The following TOMM70 variants were observed in gnomAD, a reference collection of about 807,000 sequenced individuals.
TOMM70 encodes mitochondrial import receptor subunit TOM70.
TOMM70 carries 13 observed loss-of-function variants against 73.6 expected under a neutral mutation model. That is an observed-to-expected ratio of 0.18 (90% CI 0.11 to 0.28). The LOEUF is 0.28. Among genes scored for constraint, TOMM70 ranks in the 10% least tolerant of loss-of-function variants. TOMM70 has a pLI of 1.00. For synonymous variants in TOMM70, 257 were observed against 271.2 expected, an observed-to-expected ratio of 0.95 and a Z score of 0.51; for missense variants, 609 against 747.5, an observed-to-expected ratio of 0.81 and a Z score of 2.16.
chr3:100,376,704 T>C (rs971220192), intron 6 of TOMM70, among the ~76,000 whole-genome samples: 1 of 152,164 alleles, frequency 6.6e-6, no homozygotes, highest in African/African-American at 2.4e-5. Context: ...GTTTTAGCTC[T>C]TACATTTAGG....
At chr3:100,392,819 A>G (rs1418632747) in intron 1 of TOMM70, among the ~76,000 whole-genome samples, 2 of 152,214 alleles carry the variant, frequency 1.3e-5, no homozygotes, top group Non-Finnish European at 2.9e-5. Context: ...AAAGGAAAAG[A>G]AGTCATTATA....
intron 6 of TOMM70, among the ~76,000 whole-genome samples, chr3:100,376,369 G>GTTTTTTT (rs141227349): frequency 0.12 from 15,117 of 121,278 alleles, 2,561 homozygotes; most frequent in African/African-American, 0.33. Context: ...TCACACAGAA[G>GTTTTTTT]TTTTTTTTTT....
intron 1 of TOMM70, among the ~76,000 whole-genome samples, chr3:100,390,324 TC>T (rs1706744089): frequency 6.6e-6 from 1 of 152,098 alleles, no homozygotes; most frequent in Non-Finnish European, 1.5e-5. Context: ...AACACTAAAA[TC>T]CCATTATGAA....
Position 100,384,600 on chromosome 3 carries a change from GAA to G in TOMM70, c.626-14_626-13del. ...CACAGCAGTGACATCTAGAAATGAT[GAA>G]AAACACAAGGGTAAATATAAAATTA... is the stretch of plus-strand genomic sequence containing the variant. On this transcript the variant is annotated splice_polypyrimidine_tract_variant and intron_variant, in intron 3 of 11. Coordinates refer to ENST00000284320, the MANE Select transcript of TOMM70 (RefSeq NM_014820.5). The G allele has an allele frequency of 1.3e-6, 2 of 1,510,932 alleles. No homozygotes were observed. The highest frequency in any genetic ancestry group is 4.6e-5 in the East Asian group (2 of 43,270). The allele number at this position is 1,510,932 out of a possible 1,614,324, so 93.6% of individuals were successfully genotyped here. A position where few individuals can be genotyped will look rare whatever the true frequency, so the allele number is the denominator to read the frequency against.
chr3:100,399,147 T>TGGC (rs1239897138), intron 1 of TOMM70, among the ~76,000 whole-genome samples: 2 of 151,976 alleles, frequency 1.3e-5, no homozygotes, highest in Non-Finnish European at 2.9e-5. Context: ...CGGGGCATGG[T>TGGC]GGCGCGCGCC....
chr3:100,394,176 T>A (rs1706794365), intron 1 of TOMM70, among the ~76,000 whole-genome samples: 1 of 152,246 alleles, frequency 6.6e-6, no homozygotes, highest in African/African-American at 2.4e-5. Context: ...GACACACTTA[T>A]ACCCAGTTAA....
At chr3:100,390,746 G>T (rs531118020) in intron 1 of TOMM70, among the ~76,000 whole-genome samples, 58 of 152,034 alleles carry the variant, frequency 3.8e-4, no homozygotes, top group African/African-American at 1.3e-3. Flanking sequence ...GGAGAATCAC[G>T]CGAACCTGGG....
chr3:100,373,940 A>G (rs1173484653), intron 7 of TOMM70, among the ~76,000 whole-genome samples: 1 of 152,192 alleles, frequency 6.6e-6, no homozygotes, highest in Admixed American at 6.5e-5. Context: ...CATCCTGTAC[A>G]TTCTAATATC....
At chr3:100,378,963 C>T (rs373722590) in intron 5 of TOMM70, among the ~76,000 whole-genome samples, 2 of 151,988 alleles carry the variant, frequency 1.3e-5, no homozygotes, top group Admixed American at 6.5e-5. Flanking sequence ...GCTGAGATCG[C>T]GCCACTACAC....
At chr3:100,374,984 C>A (rs746851104) in intron 7 of TOMM70, 34 bp downstream of exon 7, 3 of 1,515,382 alleles carry the variant, frequency 2.0e-6, no homozygotes, top group Non-Finnish European at 2.7e-6. Context: ...GCTCAATCCA[C>A]AAGTCAGACC....
At chr3:100,389,210 A>G (rs1706731625) in intron 1 of TOMM70, among the ~76,000 whole-genome samples, 1 of 152,252 alleles carries the variant, frequency 6.6e-6, no homozygotes, top group Non-Finnish European at 1.5e-5. Context: ...TAACAATTTC[A>G]AAGTTCTAAA....
intron 8 of TOMM70, among the ~76,000 whole-genome samples, 173 bp downstream of exon 8, chr3:100,373,365 A>T (rs866726834): frequency 6.6e-6 from 1 of 152,206 alleles, no homozygotes; most frequent in Non-Finnish European, 1.5e-5. Context: ...GAACCCAAAC[A>T]AATGTCCAGA....
intron 11 of TOMM70, among the ~76,000 whole-genome samples, chr3:100,367,606 AG>A (rs531948194): frequency 4.6e-5 from 7 of 152,360 alleles, no homozygotes; most frequent in African/African-American, 1.7e-4. Flanking sequence ...GGCCTAAAGT[AG>A]GAAACTCAAA....
Position 100,365,208 on chromosome 3 carries a change from A to G in TOMM70, c.*356T>C, listed in dbSNP as rs1706435180. The G allele has an allele frequency of 5.0e-6, 1 of 201,116 alleles. No individual in the cohort carries two copies. The highest frequency in any genetic ancestry group is 1.0e-5 in the Non-Finnish European group (1 of 96,874). The allele number at this position is 201,116 out of a possible 1,614,324, so 12.5% of individuals were successfully genotyped here. ...AAATACTTACATTATTCACACATAT[A>G]TAGACGGAATCATCCAGAACATAAT... On this transcript the variant is annotated 3_prime_UTR_variant, in exon 12 of 12. Coordinates refer to ENST00000284320, the MANE Select transcript of TOMM70 (RefSeq NM_014820.5).
At chr3:100,398,498 TTAAAAC>T (rs1706849842) in intron 1 of TOMM70, among the ~76,000 whole-genome samples, 1 of 152,134 alleles carries the variant, frequency 6.6e-6, no homozygotes, top group Non-Finnish European at 1.5e-5. Context: ...TCTTCCATGA[TTAAAAC>T]TAAATTAACA....
chr3:100,386,792 C>G lies in TOMM70; in HGVS notation c.498+13G>C, dbSNP rs777942692. ...AAAGAAAAGGAACAGAAGAAACAAC[C>G]TAGAGTACATACCAACTGTTCAAAG... On this transcript the variant is annotated intron_variant, in intron 2 of 11. Coordinates refer to ENST00000284320, the MANE Select transcript of TOMM70 (RefSeq NM_014820.5). 3.1e-6 allele frequency: 5 copies of G among 1,611,014 alleles called. No individual in the cohort carries two copies. The highest frequency in any genetic ancestry group is 2.2e-5 in the East Asian group (1 of 44,778).
chr3:100,370,263 C>T (rs1439896219), intron 9 of TOMM70, among the ~76,000 whole-genome samples: 2 of 152,158 alleles, frequency 1.3e-5, no homozygotes, highest in African/African-American at 4.8e-5. Context: ...TTTTCTTTCA[C>T]ATGGTTGAGT....
At chr3:100,388,803 A>C (rs1213014675) in intron 1 of TOMM70, among the ~76,000 whole-genome samples, 1 of 152,196 alleles carries the variant, frequency 6.6e-6, no homozygotes, top group African/African-American at 2.4e-5. Flanking sequence ...ACTAATTAGA[A>C]ATCTTAAAAA....
intron 4 of TOMM70, 145 bp downstream of exon 4, chr3:100,384,334 A>G: frequency 3.9e-6 from 2 of 512,604 alleles, no homozygotes; most frequent in Non-Finnish European, 6.8e-6. Context: ...ATAAAAGCCA[A>G]AGATAACAGG....
Sources: allele counts gnomAD v4.1 joint callset (sites outside exome capture counted in the v4.1 genomes callset), GRCh38; gene constraint gnomAD v4.1.1; transcripts MANE v1.5; gene names NCBI Gene and HGNC (gene_info 2026-07-23, HGNC 2026-07-21).